The following LRRC4C variants were observed in gnomAD, a reference collection of about 807,000 sequenced individuals.
The protein encoded by LRRC4C is leucine-rich repeat-containing protein 4C.
LRRC4C carries 5 observed loss-of-function variants against 33.6 expected under a neutral mutation model. The observed-to-expected ratio is 0.15, with a 90% CI of 0.08 to 0.31. LRRC4C has a LOEUF of 0.31. Ranked by LOEUF, LRRC4C falls within the 10% of genes least tolerant of loss-of-function variation. LRRC4C has a pLI of 1.00. For missense variants in LRRC4C, 560 were observed against 796.7 expected (o/e 0.70, Z 3.58); for synonymous variants, 329 against 302.0 (o/e 1.09, Z -0.93).
In LRRC4C at chr11:40,476,825, T is replaced by C. The variant is rs541042519; in HGVS notation, c.-269-157104A>G. 1.6e-3 allele frequency among the ~76,000 whole-genome samples: 244 copies of C among 152,326 alleles called. 3 individuals are homozygous for C. Among genetic ancestry groups the C allele is most frequent in the Admixed American group, 3.5e-3 (54 of 15,298 alleles). ...ACTTGGTTCATGCATTATAAACATTTTTTAAAAAGGAGGCCATAAATATTA... is the reference window on the plus strand; with the variant it reads ...ACTTGGTTCATGCATTATAAACATTCTTTAAAAAGGAGGCCATAAATATTA... On this transcript the variant is annotated intron_variant, in intron 3 of 6. Coordinates refer to ENST00000528697, the MANE Select transcript of LRRC4C (RefSeq NM_001258419.2).
Position 40,748,443 on chromosome 11 carries a change from C to T in LRRC4C, c.-406-100165G>A, listed in dbSNP as rs1591619007. On this transcript the variant is annotated intron_variant, in intron 2 of 6. Coordinates refer to ENST00000528697, the MANE Select transcript of LRRC4C (RefSeq NM_001258419.2). ...AACCTTAAGTCGAAAGGACATTTAC[C>T]ATCATCAAAACACTAGAAAGTATAA... is the stretch of plus-strand genomic sequence containing the variant. 2.0e-5 allele frequency among the ~76,000 whole-genome samples: 3 copies of T among 152,070 alleles called. No homozygotes were observed. In the South Asian group the frequency reaches 6.2e-4, roughly 32 times the overall value.
intron 4 of LRRC4C, among the ~76,000 whole-genome samples, chr11:40,260,493 A>G (rs1339051019): frequency 4.6e-5 from 7 of 151,192 alleles, no homozygotes; most frequent in African/African-American, 1.2e-4. Flanking sequence ...AGCATGGCAC[A>G]TGTATACATA....
At chr11:41,136,755 C>T (rs1396894356) in intron 1 of LRRC4C, among the ~76,000 whole-genome samples, 4 of 152,062 alleles carry the variant, frequency 2.6e-5, no homozygotes, top group Non-Finnish European at 4.4e-5. Flanking sequence ...TTTTCCTCTC[C>T]TTCCCACTAC....
chr11:41,362,124 C>A (rs1299849742), intron 1 of LRRC4C, among the ~76,000 whole-genome samples: 1 of 152,064 alleles, frequency 6.6e-6, no homozygotes, highest in Non-Finnish European at 1.5e-5. Flanking sequence ...CAAAAAGATT[C>A]CTCACTCATA....
chr11:41,299,545 A>G (rs183017371), intron 1 of LRRC4C, among the ~76,000 whole-genome samples: 1 of 152,202 alleles, frequency 6.6e-6, no homozygotes, highest in East Asian at 1.9e-4. Context: ...AGTTTGTTTG[A>G]TCTGTTATAA....
chr11:41,046,217 G>T (rs186368535), intron 1 of LRRC4C, among the ~76,000 whole-genome samples: 55 of 152,138 alleles, frequency 3.6e-4, no homozygotes, highest in African/African-American at 1.3e-3. Context: ...CAGATATTTG[G>T]TTACATGTTT....
At chr11:40,649,170 G>C (rs900354154) in intron 2 of LRRC4C, among the ~76,000 whole-genome samples, 1 of 152,046 alleles carries the variant, frequency 6.6e-6, no homozygotes, top group Non-Finnish European at 1.5e-5. Context: ...GCAGAGAACT[G>C]GTCTGACCAA....
chr11:40,704,986 T>C (rs1306979526), intron 2 of LRRC4C, among the ~76,000 whole-genome samples: 1 of 152,106 alleles, frequency 6.6e-6, no homozygotes, highest in African/African-American at 2.4e-5. Flanking sequence ...AATACTAATG[T>C]AAAAGTTAAC....
At chr11:40,337,710 C>A (rs754223303) in intron 3 of LRRC4C, among the ~76,000 whole-genome samples, 1 of 152,158 alleles carries the variant, frequency 6.6e-6, no homozygotes, top group East Asian at 1.9e-4. Context: ...CAAGGCCACA[C>A]GTGCATGTGT....
intron 1 of LRRC4C, among the ~76,000 whole-genome samples, chr11:40,971,806 C>T (rs891289094): frequency 2.0e-5 from 3 of 152,146 alleles, no homozygotes; most frequent in Non-Finnish European, 4.4e-5. Context: ...GCCATAGGAG[C>T]CCACCTCTTA....
chr11:41,238,498 G>T (rs758600012), intron 1 of LRRC4C, among the ~76,000 whole-genome samples: 7 of 152,176 alleles, frequency 4.6e-5, no homozygotes, highest in Admixed American at 1.3e-4. Flanking sequence ...TCCAGCTACT[G>T]TCCTTAGATA....
chr11:40,441,499 G>C (rs1464148568), intron 3 of LRRC4C, among the ~76,000 whole-genome samples: 1 of 152,138 alleles, frequency 6.6e-6, no homozygotes, highest in Admixed American at 6.5e-5. Flanking sequence ...TTTTACTTAA[G>C]ACAGGTTGAT....
In LRRC4C at chr11:40,733,061, G is replaced by GTTTTT. The variant is rs544471413; in HGVS notation, c.-406-84788_-406-84784dup. On this transcript the variant is annotated intron_variant, in intron 2 of 6. Transcript: ENST00000528697. ...GGATCCAAAACCAGTTATGAATATAGTTTTTTTTTTTTTTTTTTTTTTTTT... is the reference window on the plus strand; with the variant it reads ...GGATCCAAAACCAGTTATGAATATAGTTTTTTTTTTTTTTTTTTTTTTTTTTTTTT... Among the ~76,000 whole-genome samples the GTTTTT allele has an allele frequency of 5.2e-4, 30 of 57,638 alleles. 1 individual carries two copies. Among genetic ancestry groups the GTTTTT allele is most frequent in the South Asian group, 8.8e-4 (1 of 1,132 alleles). 37.8% of individuals were successfully genotyped at this position (57,638 alleles called of 152,430 possible).
intron 1 of LRRC4C, among the ~76,000 whole-genome samples, chr11:41,114,712 T>C (rs1402208037): frequency 6.6e-6 from 1 of 152,084 alleles, no homozygotes; most frequent in Non-Finnish European, 1.5e-5. Context: ...AAGGATATAA[T>C]ACAGTACTAT....
Position 40,888,466 on chromosome 11 carries a change from G to A in LRRC4C, c.-407+45169C>T, listed in dbSNP as rs192814263. Reference sequence around the variant, plus strand: ...TGAAAATATATTTTTCCACACTTGCGTTTAATATATAATTCAGGCAGAATG... The same window carrying A: ...TGAAAATATATTTTTCCACACTTGCATTTAATATATAATTCAGGCAGAATG... On this transcript the variant is annotated intron_variant, in intron 2 of 6. Coordinates refer to ENST00000528697, the MANE Select transcript of LRRC4C (RefSeq NM_001258419.2). Among the ~76,000 whole-genome samples the A allele has an allele frequency of 3.1e-4, 47 of 151,958 alleles. No individual in the cohort carries two copies. In the South Asian group the frequency reaches 6.2e-3, roughly 20 times the overall value.
intron 1 of LRRC4C, among the ~76,000 whole-genome samples, chr11:41,049,560 G>C (rs1215078269): frequency 6.6e-6 from 1 of 152,202 alleles, no homozygotes; most frequent in African/African-American, 2.4e-5. Context: ...TGGAACCACA[G>C]AGAATGGTTG....
At chr11:40,425,432 G>C (rs1950675360) in intron 3 of LRRC4C, among the ~76,000 whole-genome samples, 1 of 152,170 alleles carries the variant, frequency 6.6e-6, no homozygotes, top group Admixed American at 6.5e-5. Flanking sequence ...TTGCGTCCTT[G>C]CTGTTAGCCT....
At chr11:40,739,489 T>A (rs1948054808) in intron 2 of LRRC4C, among the ~76,000 whole-genome samples, 1 of 122,002 alleles carries the variant, frequency 8.2e-6, no homozygotes, top group Non-Finnish European at 1.9e-5. Flanking sequence ...ACAATTAATA[T>A]ATACATAGAC....
chr11:41,117,207 G>A (rs1445928549), intron 1 of LRRC4C, among the ~76,000 whole-genome samples: 4 of 152,146 alleles, frequency 2.6e-5, no homozygotes, highest in South Asian at 2.1e-4. Flanking sequence ...AAAGAGCCCT[G>A]CTGAGAACAG....
Sources: allele counts gnomAD v4.1 joint callset (sites outside exome capture counted in the v4.1 genomes callset), GRCh38; gene constraint gnomAD v4.1.1; transcripts MANE v1.5; gene names NCBI Gene and HGNC (gene_info 2026-07-23, HGNC 2026-07-21).